SPATA16: variants seen among roughly 807,000 people sequenced by gnomAD.
SPATA16 encodes the protein spermatogenesis associated 16, also known as spermatogenesis-associated protein 16.
A neutral mutation model predicts 63.3 loss-of-function variants in SPATA16; 36 were observed. That is an observed-to-expected ratio of 0.57 (90% CI 0.44 to 0.75). SPATA16 has a LOEUF of 0.75. Ranked by LOEUF, SPATA16 falls within the 30% of genes least tolerant of loss-of-function variation. SPATA16 has a pLI of 0.00. For missense variants in SPATA16, 646 were observed against 679.3 expected (o/e 0.95, Z 0.54); for synonymous variants, 203 against 216.7 (o/e 0.94, Z 0.56).
intron 4 of SPATA16, among the ~76,000 whole-genome samples, chr3:173,011,917 G>A (rs944463680): frequency 4.6e-5 from 7 of 152,092 alleles, no homozygotes; most frequent in Admixed American, 3.3e-4. Flanking sequence ...GGGCTTAAGC[G>A]ATCTTCCTGC....
At chr3:173,135,191 G>C (rs1468323315) in intron 1 of SPATA16, among the ~76,000 whole-genome samples, 1 of 152,196 alleles carries the variant, frequency 6.6e-6, no homozygotes, top group Non-Finnish European at 1.5e-5. Flanking sequence ...CAAATGGTCA[G>C]TAAACTCTTG....
At chr3:173,091,746 A>G (rs1294277686) in intron 2 of SPATA16, among the ~76,000 whole-genome samples, 1 of 152,184 alleles carries the variant, frequency 6.6e-6, no homozygotes, top group Non-Finnish European at 1.5e-5. Flanking sequence ...ATCTTTTCAT[A>G]TAAAACCAAT....
At chr3:173,112,591 G>T (rs1039649899) in intron 2 of SPATA16, among the ~76,000 whole-genome samples, 4 of 152,168 alleles carry the variant, frequency 2.6e-5, no homozygotes, top group Non-Finnish European at 4.4e-5. Context: ...TCATTGGCTT[G>T]TTGTGAGAAT....
chr3:172,906,063 C>T (rs1471580802), intron 10 of SPATA16, among the ~76,000 whole-genome samples: 1 of 152,188 alleles, frequency 6.6e-6, no homozygotes, highest in East Asian at 1.9e-4. Flanking sequence ...ACTTTTTCTT[C>T]TTAGTTGCAG....
intron 4 of SPATA16, among the ~76,000 whole-genome samples, chr3:172,994,553 T>C (rs951730794): frequency 1.3e-5 from 2 of 152,126 alleles, no homozygotes; most frequent in African/African-American, 4.8e-5. Flanking sequence ...TGTGTGTGTG[T>C]GCACACGCAC....
chr3:173,093,383 C>G (rs1737272202), intron 2 of SPATA16, among the ~76,000 whole-genome samples: 1 of 152,052 alleles, frequency 6.6e-6, no homozygotes, highest in South Asian at 2.1e-4. Flanking sequence ...ATTGTTCTTC[C>G]TTTACTGGAG....
At chr3:173,122,044 T>C (rs1738089586) in intron 1 of SPATA16, among the ~76,000 whole-genome samples, 1 of 152,204 alleles carries the variant, frequency 6.6e-6, no homozygotes, top group African/African-American at 2.4e-5. Flanking sequence ...CAAAGAAGTA[T>C]TTGTTGGTAA....
At chr3:173,119,610 G>T (rs1738002004) in intron 1 of SPATA16, among the ~76,000 whole-genome samples, 1 of 152,158 alleles carries the variant, frequency 6.6e-6, no homozygotes, top group Non-Finnish European at 1.5e-5. Flanking sequence ...CCCAATGATT[G>T]ATAATGACAC....
intron 10 of SPATA16, among the ~76,000 whole-genome samples, chr3:172,899,200 G>A (rs1009165104): frequency 4.6e-5 from 7 of 151,886 alleles, no homozygotes; most frequent in African/African-American, 9.7e-5. Flanking sequence ...CTATTTAGTT[G>A]TTCTGTCAAT....
chr3:173,000,785 A>G (rs1292028940), intron 4 of SPATA16, among the ~76,000 whole-genome samples: 1 of 150,930 alleles, frequency 6.6e-6, no homozygotes, highest in Non-Finnish European at 1.5e-5. Flanking sequence ...TCAAGCTCAG[A>G]GATTCTTTCT....
At chr3:172,937,230 C>T (rs1377412333) in intron 6 of SPATA16, among the ~76,000 whole-genome samples, 1 of 152,004 alleles carries the variant, frequency 6.6e-6, no homozygotes, top group African/African-American at 2.4e-5. Flanking sequence ...CTCACAGAAG[C>T]ATGTGGTTTG....
intron 2 of SPATA16, among the ~76,000 whole-genome samples, chr3:173,056,263 TATA>T (rs1437677425): frequency 6.6e-6 from 1 of 152,264 alleles, no homozygotes; most frequent in Non-Finnish European, 1.5e-5. Flanking sequence ...AGTCCTTTTG[TATA>T]ATGACTTTGT....
rs1733622059 is a variant in SPATA16 at position 172,957,349 on chromosome 3, A to G, written c.934-525T>C. On this transcript the variant is annotated intron_variant, in intron 5 of 10. Transcript: ENST00000351008. ...ATCCTTCCTCAATTTCCTCCCAGAA[A>G]AGCTTCCCTTCCCTCCAGATCACAA... 3.9e-5 allele frequency among the ~76,000 whole-genome samples: 6 copies of G among 152,274 alleles called. No homozygotes were observed. In the South Asian group the frequency reaches 1.2e-3, roughly 32 times the overall value.
intron 2 of SPATA16, among the ~76,000 whole-genome samples, chr3:173,054,644 T>C (rs770230680): frequency 3.3e-5 from 5 of 151,624 alleles, no homozygotes; most frequent in Non-Finnish European, 7.4e-5. Flanking sequence ...GGGGTGGGGT[T>C]TGAGGGGAGG....
chr3:173,009,199 T>G (rs1004222425), intron 4 of SPATA16, among the ~76,000 whole-genome samples: 2 of 151,012 alleles, frequency 1.3e-5, no homozygotes, highest in Admixed American at 6.6e-5. Flanking sequence ...GAGAAAACAG[T>G]GGAGAGAAAA....
At chr3:172,966,453 T>A (rs1733921760) in intron 5 of SPATA16, among the ~76,000 whole-genome samples, 1 of 152,224 alleles carries the variant, frequency 6.6e-6, no homozygotes, top group South Asian at 2.1e-4. Flanking sequence ...TGGTTCCTGG[T>A]GTAGGCTGCA....
intron 1 of SPATA16, among the ~76,000 whole-genome samples, chr3:173,126,809 T>A (rs748541937): frequency 1.3e-5 from 2 of 152,224 alleles, no homozygotes; most frequent in Non-Finnish European, 2.9e-5. Context: ...TTCAGAATTC[T>A]GTCTGCCTTA....
intron 3 of SPATA16, among the ~76,000 whole-genome samples, chr3:173,028,023 T>TTTCCTTCCTTCCTTCC (rs1224712418): frequency 0.022 from 807 of 36,554 alleles, 15 homozygotes; most frequent in Middle Eastern, 0.036. Context: ...CCCTTCCTTC[T>TTTCCTTCCTTCCTTCC]TTCCTTCCTT....
intron 1 of SPATA16, among the ~76,000 whole-genome samples, chr3:173,118,472 A>C (rs1046486074): frequency 6.6e-6 from 1 of 152,222 alleles, no homozygotes; most frequent in South Asian, 2.1e-4. Context: ...TGCTCAAAAT[A>C]TGTAACAGTC....
Sources: gnomAD v4.1 joint callset for allele counts (sites outside exome capture counted in the v4.1 genomes callset) on GRCh38, gnomAD v4.1.1 for gene constraint, MANE v1.5 for transcripts, NCBI Gene and HGNC (gene_info 2026-07-23, HGNC 2026-07-21) for gene names.